C8orf89: variants seen among roughly 807,000 people sequenced by gnomAD.
The protein encoded by C8orf89 is putative uncharacterized protein C8orf89.
C8orf89 carries 14 observed loss-of-function variants against 15.8 expected under a neutral mutation model. The ratio of observed to expected loss-of-function variants is 0.89; its 90% CI spans 0.59 to 1.39. The LOEUF (loss-of-function observed/expected upper bound fraction) is 1.39. C8orf89 is among the 40% of genes most tolerant of loss of function. C8orf89 has a pLI of 0.00. For synonymous variants in C8orf89, 55 were observed against 62.2 expected, an observed-to-expected ratio of 0.88 and a Z score of 0.54; for missense variants, 181 against 184.5, an observed-to-expected ratio of 0.98 and a Z score of 0.11.
At chr8:73,244,348 A>G (rs559007739) in intron 3 of C8orf89, among the ~76,000 whole-genome samples, 4 of 152,318 alleles carry the variant, frequency 2.6e-5, no homozygotes, top group Admixed American at 2.6e-4. Context: ...GGGATGCTAA[A>G]TAACTTGCCT....
chr8:73,246,418 G>A (rs914234001), intron 3 of C8orf89, among the ~76,000 whole-genome samples: 6 of 152,210 alleles, frequency 3.9e-5, no homozygotes, highest in African/African-American at 4.8e-5. Flanking sequence ...TCGCTCTGTC[G>A]CCCAGGCTAG....
chr8:73,277,755 G>C, the C8orf89 span: 1 of 743,724 alleles, frequency 1.3e-6, no homozygotes, highest in Non-Finnish European at 2.5e-6. Context: ...GGGTTTTAGG[G>C]AGGACAGATC....
At chr8:73,260,486 G>A (rs1359527489), upstream of C8orf89, among the ~76,000 whole-genome samples, 1 of 152,068 alleles carries the variant, frequency 6.6e-6, no homozygotes, top group Non-Finnish European at 1.5e-5. Flanking sequence ...GTATACATAT[G>A]TAACAAACCT....
intron 3 of C8orf89, among the ~76,000 whole-genome samples, chr8:73,249,092 G>A (rs545383821): frequency 7.9e-5 from 12 of 152,238 alleles, no homozygotes; most frequent in African/African-American, 2.9e-4. Context: ...TTTATGGTAT[G>A]TCCTTCAATA....
At chr8:73,267,924 C>A in the C8orf89 span, among the ~76,000 whole-genome samples, 9 of 152,176 alleles carry the variant, frequency 5.9e-5, no homozygotes, top group South Asian at 1.0e-3. Flanking sequence ...GTGTCTCTGG[C>A]AGAACACCAC....
chr8:73,266,555 T>C, the C8orf89 span, among the ~76,000 whole-genome samples: 5 of 152,228 alleles, frequency 3.3e-5, no homozygotes, highest in African/African-American at 1.2e-4. Flanking sequence ...ATCTACCTTA[T>C]GGTTTGAGGT....
At position 73,248,015 on chromosome 8, in the gene C8orf89, G is replaced by C. The variant is rs370456716; in HGVS notation, c.337+2253C>G. Among the ~76,000 whole-genome samples the C allele has an allele frequency of 4.9e-4, 74 of 152,166 alleles. 1 individual carries two copies. The South Asian group carries it at 0.014, about 29-fold the overall frequency. On this transcript the variant is annotated intron_variant, in intron 3 of 3. Transcript: ENST00000624510. ...CATCTTCATCATGAAATCTTTGCCT[G>C]TTCCTATGTCTAGAATGGTATTGCC...
chr8:73,260,329 T>C (rs11995747), upstream of C8orf89, among the ~76,000 whole-genome samples: 13,700 of 151,564 alleles, frequency 0.09, 1,245 homozygotes, highest in African/African-American at 0.23. Context: ...TAGGTGGGAA[T>C]TGAACAATGA....
chr8:73,273,705 G>C, the C8orf89 span, among the ~76,000 whole-genome samples: 2 of 151,788 alleles, frequency 1.3e-5, no homozygotes, highest in African/African-American at 4.8e-5. Context: ...TGAAGTCTGC[G>C]CCCAGAGTGA....
intron 3 of C8orf89, among the ~76,000 whole-genome samples, chr8:73,246,639 A>T (rs1813134290): frequency 6.6e-6 from 1 of 152,202 alleles, no homozygotes; most frequent in African/African-American, 2.4e-5. Context: ...GGCCTCCCAA[A>T]GCGTTAGGAT....
the C8orf89 span, among the ~76,000 whole-genome samples, chr8:73,272,567 T>G: frequency 4.6e-5 from 7 of 152,152 alleles, no homozygotes; most frequent in African/African-American, 1.4e-4. Flanking sequence ...AACTCGTCAT[T>G]TACATTAGGT....
At chr8:73,271,817 C>T in the C8orf89 span, among the ~76,000 whole-genome samples, 1 of 152,088 alleles carries the variant, frequency 6.6e-6, no homozygotes, top group Non-Finnish European at 1.5e-5. Context: ...AGGGGGGAAA[C>T]CACTCCCATG....
intron 1 of C8orf89, among the ~76,000 whole-genome samples, chr8:73,257,679 T>G (rs2130286268): frequency 6.6e-6 from 1 of 152,236 alleles, no homozygotes; most frequent in South Asian, 2.1e-4. Flanking sequence ...ACCTCACATA[T>G]CCATTGCACA....
chr8:73,280,742 T>TAC, the C8orf89 span, among the ~76,000 whole-genome samples: 23 of 150,136 alleles, frequency 1.5e-4, no homozygotes, highest in Middle Eastern at 3.5e-3. Flanking sequence ...CATATATATA[T>TAC]ACACACACAC....
the C8orf89 span, among the ~76,000 whole-genome samples, chr8:73,270,000 C>G: frequency 6.6e-6 from 1 of 152,174 alleles, no homozygotes; most frequent in Admixed American, 6.5e-5. Context: ...TGAAGCAACA[C>G]TAGTATGTTA....
chr8:73,248,020 T>C (rs1813164029), intron 3 of C8orf89, among the ~76,000 whole-genome samples: 1 of 152,236 alleles, frequency 6.6e-6, no homozygotes, highest in East Asian at 1.9e-4. Context: ...TGCCTGTTCC[T>C]ATGTCTAGAA....
the C8orf89 span, among the ~76,000 whole-genome samples, chr8:73,276,764 C>T: frequency 2.0e-5 from 3 of 150,304 alleles, no homozygotes; most frequent in South Asian, 6.3e-4. Context: ...CAAACAACAG[C>T]ACCCAAATAC....
Position 73,258,660 on chromosome 8 carries a change from A to G in C8orf89, c.127+672T>C, listed in dbSNP as rs577900425. Among the ~76,000 whole-genome samples, 43 of 143,106 alleles carry G rather than the reference A, an allele frequency of 3.0e-4. No homozygotes were observed. In the South Asian group the frequency reaches 7.8e-3, roughly 26 times the overall value. 93.9% of individuals were successfully genotyped at this position (143,106 alleles called of 152,430 possible). A position where few individuals can be genotyped will look rare whatever the true frequency, so the allele number is the denominator to read the frequency against. On this transcript the variant is annotated intron_variant, in intron 1 of 3. Transcript: ENST00000624510. ...TTTTTTTTTTTTGAGACAAGGTATC[A>G]CTTTGTTGCCCAGACTGAAGTACAG...
chr8:73,283,556 A>C, the C8orf89 span, among the ~76,000 whole-genome samples: 1 of 152,222 alleles, frequency 6.6e-6, no homozygotes, highest in Non-Finnish European at 1.5e-5. Context: ...ATAAACACTA[A>C]GTGGAAGCTA....
Sources: gnomAD v4.1 joint callset for allele counts (sites outside exome capture counted in the v4.1 genomes callset) on GRCh38, gnomAD v4.1.1 for gene constraint, MANE v1.5 for transcripts, NCBI Gene and HGNC (gene_info 2026-07-23, HGNC 2026-07-21) for gene names.